HDAC9: variants seen among roughly 807,000 people sequenced by gnomAD.
HDAC9 encodes the protein MEF-2 interacting transcription repressor (MITR) protein.
Under a neutral mutation model 139.4 loss-of-function variants are expected in HDAC9, and 41 were observed. That is an observed-to-expected ratio of 0.29 (90% confidence interval 0.23 to 0.38). The LOEUF (loss-of-function observed/expected upper bound fraction) is 0.38, where lower values mean the gene tolerates loss of function less well. HDAC9 is among the 10% of genes least tolerant of loss of function. The probability of loss-of-function intolerance (pLI) is 1.00; values close to 1 mark genes in which losing one functional copy is unlikely to be tolerated. For missense variants in HDAC9, 1,147 were observed against 1,297.0 expected (o/e 0.88, Z 1.78); for synonymous variants, 517 against 476.2 (o/e 1.09, Z -1.12).
At chr7:18,323,349 T>A (rs878994839) in intron 1 of HDAC9, among the ~76,000 whole-genome samples, 1 of 152,214 alleles carries the variant, frequency 6.6e-6, no homozygotes. Context: ...TCTGACTTGT[T>A]GGCCCAGTTC....
At chr7:18,456,178 C>T (rs987359390) in intron 1 of HDAC9, among the ~76,000 whole-genome samples, 1 of 152,102 alleles carries the variant, frequency 6.6e-6, no homozygotes, top group Non-Finnish European at 1.5e-5. Context: ...TTCATTCTAC[C>T]ATAAATTAAG....
chr7:18,442,829 G>A (rs901632876), intron 1 of HDAC9, among the ~76,000 whole-genome samples: 2 of 152,114 alleles, frequency 1.3e-5, no homozygotes, highest in Non-Finnish European at 2.9e-5. Flanking sequence ...TACCTCCCCA[G>A]AGGAATATTC....
chr7:18,883,941 T>C (rs542782639), intron 22 of HDAC9, among the ~76,000 whole-genome samples: 2 of 152,050 alleles, frequency 1.3e-5, no homozygotes, highest in South Asian at 2.1e-4. Context: ...CCATGTACAA[T>C]AGCTACAAAA....
chr7:18,087,537 G>A (rs1364006536), intron 1 of HDAC9, among the ~76,000 whole-genome samples: 1 of 152,164 alleles, frequency 6.6e-6, no homozygotes, highest in African/African-American at 2.4e-5. Flanking sequence ...TTGGAGCCGA[G>A]CTATGAATGA....
intron 2 of HDAC9, among the ~76,000 whole-genome samples, chr7:18,276,139 T>G (rs939645569): frequency 4.6e-5 from 7 of 152,232 alleles, no homozygotes; most frequent in Non-Finnish European, 1.0e-4. Flanking sequence ...CTAAAAATAA[T>G]TGCAATCATA....
intron 1 of HDAC9, among the ~76,000 whole-genome samples, chr7:18,433,834 G>A (rs926574962): frequency 6.6e-6 from 1 of 152,198 alleles, no homozygotes; most frequent in African/African-American, 2.4e-5. Flanking sequence ...TTGTTAAAAT[G>A]TCCATATGGC....
intron 6 of HDAC9, among the ~76,000 whole-genome samples, chr7:18,615,243 A>G (rs1372449304): frequency 6.6e-6 from 1 of 152,178 alleles, no homozygotes; most frequent in East Asian, 1.9e-4. Flanking sequence ...AAGCAATTAA[A>G]AGGTTTAAAC....
intron 2 of HDAC9, among the ~76,000 whole-genome samples, chr7:18,242,906 G>T (rs1005965495): frequency 2.0e-5 from 3 of 152,182 alleles, no homozygotes; most frequent in Non-Finnish European, 4.4e-5. Flanking sequence ...GACAGAAAGA[G>T]ACCTTCATGC....
intron 2 of HDAC9, among the ~76,000 whole-genome samples, chr7:18,583,930 G>C (rs1828615647): frequency 6.6e-6 from 1 of 152,078 alleles, no homozygotes; most frequent in Non-Finnish European, 1.5e-5. Flanking sequence ...CAAAATTCCT[G>C]TTGTCTTTAG....
chr7:18,219,053 T>C (rs1012278901), intron 2 of HDAC9, among the ~76,000 whole-genome samples: 8 of 152,294 alleles, frequency 5.3e-5, no homozygotes, highest in Middle Eastern at 3.4e-3. Flanking sequence ...ACTTCTTATG[T>C]GCTTTTCAAT....
intron 20 of HDAC9, 117 bp downstream of exon 20, chr7:18,835,703 G>T: frequency 7.2e-7 from 1 of 1,393,590 alleles, no homozygotes; most frequent in Non-Finnish European, 1.0e-6. Flanking sequence ...CGAGATTACT[G>T]AATTGTCCCA....
At chr7:18,924,785 C>T (rs1160351387) in intron 22 of HDAC9, among the ~76,000 whole-genome samples, 3 of 151,966 alleles carry the variant, frequency 2.0e-5, no homozygotes, top group Non-Finnish European at 4.4e-5. Flanking sequence ...AGGTACTATG[C>T]TAGTTGAAAA....
intron 2 of HDAC9, among the ~76,000 whole-genome samples, chr7:18,542,370 C>T (rs1385587747): frequency 6.6e-6 from 1 of 152,126 alleles, no homozygotes; most frequent in African/African-American, 2.4e-5. Context: ...ATAAAACCTC[C>T]TTCATATGAC....
chr7:18,848,084 C>A (rs1218686029), intron 21 of HDAC9, among the ~76,000 whole-genome samples: 1 of 152,118 alleles, frequency 6.6e-6, no homozygotes, highest in African/African-American at 2.4e-5. Context: ...TGGACTGGGT[C>A]CTAGGTCTCC....
intron 21 of HDAC9, among the ~76,000 whole-genome samples, chr7:18,850,371 C>G (rs962430535): frequency 1.3e-5 from 2 of 152,024 alleles, no homozygotes; most frequent in African/African-American, 4.8e-5. Flanking sequence ...ACTTCTTGTT[C>G]GAGGAGAGGC....
intron 2 of HDAC9, among the ~76,000 whole-genome samples, chr7:18,267,081 G>A (rs142679764): frequency 6.6e-6 from 1 of 152,164 alleles, no homozygotes; most frequent in East Asian, 1.9e-4. Flanking sequence ...TACAGCTTCT[G>A]TACTCCAAAG....
At chr7:18,835,861 C>G (rs1796202359) in intron 20 of HDAC9, 39 bp from the exon 21 acceptor site, 1 of 1,369,622 alleles carries the variant, frequency 7.3e-7, no homozygotes, top group Non-Finnish European at 1.0e-6. Flanking sequence ...TCCATTTGCT[C>G]TCTTCTCTGC....
intron 2 of HDAC9, among the ~76,000 whole-genome samples, chr7:18,497,841 C>T (rs1797336077): frequency 1.3e-5 from 2 of 152,090 alleles, no homozygotes; most frequent in Non-Finnish European, 2.9e-5. Flanking sequence ...TAGAAACATA[C>T]ATGCCTTCCA....
chr7:18,361,398 A>G (rs1783766112), intron 1 of HDAC9, among the ~76,000 whole-genome samples: 1 of 152,184 alleles, frequency 6.6e-6, no homozygotes, highest in East Asian at 1.9e-4. Context: ...GTTCATTTCA[A>G]ACATCTAATC....
Sources: gnomAD v4.1 joint callset for allele counts (sites outside exome capture counted in the v4.1 genomes callset) on GRCh38, gnomAD v4.1.1 for gene constraint, MANE v1.5 for transcripts, NCBI Gene and HGNC (gene_info 2026-07-23, HGNC 2026-07-21) for gene names.